RANBP2: variants seen among roughly 807,000 people sequenced by gnomAD.
RANBP2 encodes E3 SUMO-protein ligase RanBP2.
RANBP2 carries 57 observed loss-of-function variants against 303.6 expected under a neutral mutation model. The ratio of observed to expected loss-of-function variants is 0.19; its 90% CI spans 0.15 to 0.23. The LOEUF is 0.23. Among genes scored for constraint, RANBP2 ranks in the 10% least tolerant of loss-of-function variants. The probability of loss-of-function intolerance (pLI) is 1.00; values close to 1 mark genes in which losing one functional copy is unlikely to be tolerated. For missense variants in RANBP2, 3,138 were observed against 3,780.8 expected (o/e 0.83, Z 4.46); for synonymous variants, 1,167 against 1,301.5 (o/e 0.90, Z 2.23).
At chr2:109,134,491 A>C in the RANBP2 span, among the ~76,000 whole-genome samples, 1 of 152,192 alleles carries the variant, frequency 6.6e-6, no homozygotes, top group Non-Finnish European at 1.5e-5. Flanking sequence ...CTAAATTATT[A>C]TTTATTGAGC....
chr2:108,937,237 C>T, the RANBP2 span, among the ~76,000 whole-genome samples: 7 of 152,370 alleles, frequency 4.6e-5, 1 homozygote, highest in African/African-American at 1.7e-4. Context: ...CATTTGCAAA[C>T]TCCCTGGTGA....
the RANBP2 span, among the ~76,000 whole-genome samples, chr2:108,878,921 C>T: frequency 6.6e-6 from 1 of 151,926 alleles, no homozygotes; most frequent in African/African-American, 2.4e-5. Context: ...ATTCTCAAAA[C>T]ACTGAAAAAG....
the RANBP2 span, among the ~76,000 whole-genome samples, chr2:109,662,797 T>C: frequency 1.3e-5 from 2 of 152,184 alleles, no homozygotes; most frequent in African/African-American, 4.8e-5. Flanking sequence ...TCTCAGAGGA[T>C]GTGAACTAAA....
the RANBP2 span, among the ~76,000 whole-genome samples, chr2:109,074,604 G>A: frequency 6.7e-6 from 1 of 150,146 alleles, no homozygotes; most frequent in South Asian, 2.1e-4. Context: ...GGGAGGCTGA[G>A]GCAGAGAATA....
the RANBP2 span, among the ~76,000 whole-genome samples, chr2:109,113,966 T>C: frequency 6.6e-6 from 1 of 152,262 alleles, no homozygotes; most frequent in African/African-American, 2.4e-5. Flanking sequence ...GAACCAGCCT[T>C]GCATCCCAGA....
At chr2:109,281,952 A>G in the RANBP2 span, among the ~76,000 whole-genome samples, 1 of 152,114 alleles carries the variant, frequency 6.6e-6, no homozygotes, top group African/African-American at 2.4e-5. Context: ...TGTGGTTTGT[A>G]GAGCAGAAGC....
the RANBP2 span, among the ~76,000 whole-genome samples, chr2:109,068,930 A>T: frequency 6.6e-6 from 1 of 152,208 alleles, no homozygotes; most frequent in Non-Finnish European, 1.5e-5. Context: ...ACCATGGCTG[A>T]CAATCTTATA....
At chr2:108,890,593 G>A in the RANBP2 span, among the ~76,000 whole-genome samples, 3 of 152,150 alleles carry the variant, frequency 2.0e-5, no homozygotes, top group Admixed American at 2.0e-4. Flanking sequence ...GCTCTTTTTA[G>A]GATTCACCCT....
chr2:108,997,400 C>T, the RANBP2 span, among the ~76,000 whole-genome samples: 1 of 126,688 alleles, frequency 7.9e-6, no homozygotes, highest in Admixed American at 9.3e-5. Flanking sequence ...GACATTGCGC[C>T]ACTGCACTCC....
chr2:109,615,104 C>T, the RANBP2 span: 1 of 1,549,810 alleles, frequency 6.5e-7, no homozygotes, highest in Non-Finnish European at 8.7e-7. Context: ...GCCAGAACCT[C>T]CGTGACCTGG....
chr2:108,740,450 G>T, intron 6 of RANBP2, 39 bp from the exon 7 acceptor site: 1 of 1,597,202 alleles, frequency 6.3e-7, no homozygotes, highest in Non-Finnish European at 8.5e-7. Context: ...TCACAGTGCA[G>T]TAAGTGTGTA....
In RANBP2 at chr2:108,764,043, C is replaced by T. The variant is rs141661916; in HGVS notation, c.3504C>T (p.Asp1168=). 9.9e-6 allele frequency: 16 copies of T among 1,613,816 alleles called. No homozygotes were observed. The highest frequency in any genetic ancestry group is 1.3e-5 in the African/African-American group (1 of 74,846). Residue 1168 remains aspartate (D), a synonymous_variant, in exon 20 of 29, where the codon GAC becomes GAT. Coordinates refer to ENST00000283195, the MANE Select transcript of RANBP2 (RefSeq NM_006267.5). ...GTGCCCATGGGGATGATGATGATGACGGTCCTCACTTTGAGCCTGTAGTAC... is the reference window on the plus strand; with the variant it reads ...GTGCCCATGGGGATGATGATGATGATGGTCCTCACTTTGAGCCTGTAGTAC... ...GGSAHGDDDD[D]GPHFEPVVPL...
the RANBP2 span, among the ~76,000 whole-genome samples, chr2:109,391,910 C>T: frequency 6.6e-6 from 1 of 151,994 alleles, no homozygotes; most frequent in Non-Finnish European, 1.5e-5. Context: ...CGTGACCTCT[C>T]AGGCTCAAGC....
chr2:109,430,820 T>G, the RANBP2 span, among the ~76,000 whole-genome samples: 2 of 152,214 alleles, frequency 1.3e-5, no homozygotes, highest in South Asian at 4.2e-4. Context: ...TGGTCCTAAT[T>G]TCACTGTCAG....
the RANBP2 span, among the ~76,000 whole-genome samples, chr2:109,415,545 G>T: frequency 0.013 from 1,994 of 152,228 alleles, 23 homozygotes; most frequent in Middle Eastern, 0.037. Flanking sequence ...CCCTCTGCCG[G>T]TGCAGGCTGG....
the RANBP2 span, among the ~76,000 whole-genome samples, chr2:109,591,570 T>G: frequency 6.6e-6 from 1 of 152,172 alleles, no homozygotes; most frequent in East Asian, 1.9e-4. Context: ...CTACAGTTAT[T>G]GGAGCACAGA....
At chr2:109,116,658 G>T in the RANBP2 span, among the ~76,000 whole-genome samples, 1 of 152,232 alleles carries the variant, frequency 6.6e-6, no homozygotes, top group Non-Finnish European at 1.5e-5. Flanking sequence ...GTCCAGCTTT[G>T]TTCCATTGCT....
downstream of RANBP2, chr2:108,786,877 A>G (rs1371820752): frequency 6.4e-7 from 1 of 1,574,256 alleles, no homozygotes; most frequent in South Asian, 1.2e-5. Flanking sequence ...GGAGAGTCTC[A>G]AAAGCCGCTA....
At chr2:109,183,018 G>A in the RANBP2 span, among the ~76,000 whole-genome samples, 1 of 152,304 alleles carries the variant, frequency 6.6e-6, no homozygotes, top group East Asian at 1.9e-4. Flanking sequence ...CCTTCCACAT[G>A]ACTGTGTCGT....
Sources: allele counts gnomAD v4.1 joint callset (sites outside exome capture counted in the v4.1 genomes callset), GRCh38; gene constraint gnomAD v4.1.1; transcripts MANE v1.5; gene names NCBI Gene and HGNC (gene_info 2026-07-23, HGNC 2026-07-21).